The following B3GALT1 variants were observed in gnomAD, a reference collection of about 807,000 sequenced individuals.
B3GALT1 encodes UDP-Gal:betaGlcNAc beta 1,3-galactosyltransferase, polypeptide 1.
Under a neutral mutation model 23.2 loss-of-function variants are expected in B3GALT1, and 10 were observed. The ratio of observed to expected loss-of-function variants is 0.43; its 90% CI spans 0.27 to 0.73. The LOEUF is 0.73. Among genes scored for constraint, B3GALT1 ranks in the 30% least tolerant of loss-of-function variants. The probability of loss-of-function intolerance (pLI) is 0.21; values close to 1 mark genes in which losing one functional copy is unlikely to be tolerated. For missense variants in B3GALT1, 299 were observed against 405.4 expected, an observed-to-expected ratio of 0.74 and a Z score of 2.25; for synonymous variants, 156 against 141.5, an observed-to-expected ratio of 1.10 and a Z score of -0.73.
intron 1 of B3GALT1, among the ~76,000 whole-genome samples, chr2:167,321,081 A>G (rs1458569863): frequency 1.3e-5 from 2 of 152,066 alleles, no homozygotes; most frequent in African/African-American, 4.8e-5. Flanking sequence ...CTAAAATGTA[A>G]GAGTAAAAGC....
chr2:167,696,607 C>G (rs1686795566), intron 3 of B3GALT1, among the ~76,000 whole-genome samples: 1 of 152,134 alleles, frequency 6.6e-6, no homozygotes, highest in African/African-American at 2.4e-5. Context: ...CATCTCAGTT[C>G]TATAGACTTT....
Position 167,512,624 on chromosome 2 carries a change from G to GTA in B3GALT1, c.-410+22358_-410+22359dup, listed in dbSNP as rs202089193. 1.1e-3 allele frequency among the ~76,000 whole-genome samples: 54 copies of GTA among 49,656 alleles called. 3 individuals carry two copies. The highest frequency in any genetic ancestry group is 4.3e-3 in the African/African-American group (25 of 5,762). 32.6% of individuals were successfully genotyped at this position (49,656 alleles called of 152,430 possible). ...TATATATATGTATATATATATACGT[G>GTA]TATATATATATACATATATATATAT... On this transcript the variant is annotated intron_variant, in intron 2 of 4. Transcript: ENST00000392690.
intron 1 of B3GALT1, among the ~76,000 whole-genome samples, chr2:167,388,068 C>T (rs950625069): frequency 3.3e-5 from 5 of 152,192 alleles, no homozygotes; most frequent in African/African-American, 1.2e-4. Flanking sequence ...GCTTTCCTGT[C>T]GGCAGCATTA....
chr2:167,295,320 T>G (rs1696331521), intron 1 of B3GALT1, among the ~76,000 whole-genome samples: 1 of 152,222 alleles, frequency 6.6e-6, no homozygotes. Context: ...GTATATAGTT[T>G]GTGGTGGTTG....
intron 2 of B3GALT1, among the ~76,000 whole-genome samples, chr2:167,528,070 T>TA (rs1294401858): frequency 2.6e-5 from 4 of 152,172 alleles, no homozygotes; most frequent in Non-Finnish European, 5.9e-5. Context: ...AGATGGGCCA[T>TA]ACATTTTGCA....
At chr2:167,666,892 G>C (rs1473944915) in intron 3 of B3GALT1, among the ~76,000 whole-genome samples, 1 of 152,168 alleles carries the variant, frequency 6.6e-6, no homozygotes, top group Non-Finnish European at 1.5e-5. Flanking sequence ...GAAGAGTCTT[G>C]ACTCTTTATC....
chr2:167,647,884 A>G (rs1426226022), intron 3 of B3GALT1, among the ~76,000 whole-genome samples: 7 of 152,154 alleles, frequency 4.6e-5, no homozygotes, highest in African/African-American at 1.4e-4. Context: ...ATCATGAAGA[A>G]TGGGGTTTCC....
intron 1 of B3GALT1, among the ~76,000 whole-genome samples, chr2:167,378,033 A>C (rs564755274): frequency 1.3e-5 from 2 of 152,306 alleles, no homozygotes; most frequent in South Asian, 4.1e-4. Flanking sequence ...AAATACTGTT[A>C]GCACTTGCTT....
intron 3 of B3GALT1, among the ~76,000 whole-genome samples, chr2:167,768,009 A>G (rs891610683): frequency 5.3e-5 from 8 of 152,020 alleles, no homozygotes; most frequent in Admixed American, 2.0e-4. Flanking sequence ...TCCCAGCTCA[A>G]GCAGTCAGGC....
chr2:167,674,589 G>A (rs2105486733), intron 3 of B3GALT1, among the ~76,000 whole-genome samples: 1 of 152,266 alleles, frequency 6.6e-6, no homozygotes, highest in African/African-American at 2.4e-5. Flanking sequence ...AATTTGTTCA[G>A]AGTTGTATAG....
intron 1 of B3GALT1, among the ~76,000 whole-genome samples, chr2:167,382,303 CTT>C (rs541949592): frequency 5.7e-4 from 87 of 152,132 alleles, no homozygotes; most frequent in Non-Finnish European, 1.1e-3. Flanking sequence ...TTTTTTCTCT[CTT>C]TTTTGTTTCT....
chr2:167,691,887 C>T (rs915025382), intron 3 of B3GALT1, among the ~76,000 whole-genome samples: 3 of 152,052 alleles, frequency 2.0e-5, no homozygotes, highest in Non-Finnish European at 2.9e-5. Context: ...AAGTAACCTA[C>T]GAGGCATATT....
intron 4 of B3GALT1, among the ~76,000 whole-genome samples, chr2:167,828,852 G>T (rs1689284218): frequency 1.3e-5 from 2 of 152,118 alleles, no homozygotes; most frequent in African/African-American, 4.8e-5. Flanking sequence ...ATATGTGTGT[G>T]GGACTGAAAT....
At chr2:167,812,984 A>ACCCCCCCCCC (rs1688920753) in intron 3 of B3GALT1, among the ~76,000 whole-genome samples, 1 of 89,860 alleles carries the variant, frequency 1.1e-5, no homozygotes, top group African/African-American at 6.3e-5. Flanking sequence ...CACACGCACC[A>ACCCCCCCCCC]CCACCACCCC....
chr2:167,375,283 GC>G lies in B3GALT1; in HGVS notation c.-511+81950del, dbSNP rs549535986. Reference sequence around the variant, plus strand: ...GAAGTCAGGTAAAATGGTATGTCTGGCTTTGGTCTTTTGCTTAGGATTTTTG... The same window carrying G: ...GAAGTCAGGTAAAATGGTATGTCTGGTTTGGTCTTTTGCTTAGGATTTTTG... On this transcript the variant is annotated intron_variant, in intron 1 of 4. Coordinates refer to ENST00000392690, the MANE Select transcript of B3GALT1 (RefSeq NM_020981.4). 3.6e-3 allele frequency among the ~76,000 whole-genome samples: 551 copies of G among 152,086 alleles called. 1 individual carries two copies. Among genetic ancestry groups the G allele is most frequent in the Admixed American group, 5.9e-3 (90 of 15,260 alleles).
intron 1 of B3GALT1, among the ~76,000 whole-genome samples, chr2:167,385,348 T>C (rs75541393): frequency 0.012 from 1,798 of 152,282 alleles, 31 homozygotes; most frequent in African/African-American, 0.037. Context: ...CACTCCCTAA[T>C]AGCACTTTAG....
chr2:167,357,417 T>C (rs1005393707), intron 1 of B3GALT1, among the ~76,000 whole-genome samples: 4 of 152,126 alleles, frequency 2.6e-5, no homozygotes, highest in Non-Finnish European at 5.9e-5. Context: ...TTTTAATTAT[T>C]ATTACTACCA....
chr2:167,595,441 C>T (rs1017395102), intron 2 of B3GALT1, among the ~76,000 whole-genome samples: 1 of 152,166 alleles, frequency 6.6e-6, no homozygotes, highest in Non-Finnish European at 1.5e-5. Context: ...GACTAAAAGC[C>T]TTCAGACTGT....
chr2:167,869,210 T>C lies in B3GALT1; in HGVS notation c.171T>C (p.Pro57=), dbSNP rs373371748. 1.4e-5 allele frequency: 23 copies of C among 1,614,194 alleles called. 1 individual carries two copies. In the African/African-American group the frequency reaches 3.1e-4, roughly 22 times the overall value. ...NFTFGNIRTR[P]INPHSFEFLI... ...CCTTTGGCAACATAAGAACTCGACC[T>C]ATCAACCCACATTCTTTTGAATTTC... is the stretch of plus-strand genomic sequence containing the variant. Residue 57 remains proline, a synonymous_variant, in exon 5 of 5, where the codon CCT becomes CCC. Transcript: ENST00000392690. This position sits in a 1 kb window ranked among gnomAD's most constrained non-coding sequence, Gnocchi z 6.4.
Sources: gnomAD v4.1 joint callset for allele counts (sites outside exome capture counted in the v4.1 genomes callset) on GRCh38, gnomAD v4.1.1 for gene constraint, Gnocchi (gnomAD v3.1) non-coding constraint, MANE v1.5 for transcripts, NCBI Gene and HGNC (gene_info 2026-07-23, HGNC 2026-07-21) for gene names.